The following JAKMIP1 variants were observed in gnomAD, a reference collection of about 807,000 sequenced individuals.
The protein encoded by JAKMIP1 is janus kinase and microtubule-interacting protein 1.
A neutral mutation model predicts 113.0 loss-of-function variants in JAKMIP1; 33 were observed. The observed-to-expected ratio is 0.29, with a 90% CI of 0.22 to 0.39. The LOEUF is 0.39. JAKMIP1 is among the 10% of genes least tolerant of loss of function. The pLI is 1.00. For missense variants in JAKMIP1, 813 were observed against 1,080.5 expected (o/e 0.75, Z 3.47); for synonymous variants, 480 against 459.9 (o/e 1.04, Z -0.56).
intron 1 of JAKMIP1, among the ~76,000 whole-genome samples, chr4:6,132,648 A>T (rs1198694264): frequency 9.3e-5 from 2 of 21,420 alleles, no homozygotes; most frequent in African/African-American, 3.3e-4. Context: ...CCTCAAAAAT[A>T]AAAAAAAAAA....
At chr4:6,036,395 A>G (rs553342699) in intron 18 of JAKMIP1, among the ~76,000 whole-genome samples, 1 of 152,328 alleles carries the variant, frequency 6.6e-6, no homozygotes, top group South Asian at 2.1e-4. Context: ...TTCCCTTAAG[A>G]TGCATGACTC....
intron 19 of JAKMIP1, among the ~76,000 whole-genome samples, chr4:6,030,378 C>G (rs780198297): frequency 3.3e-5 from 5 of 152,130 alleles, no homozygotes; most frequent in Non-Finnish European, 5.9e-5. Context: ...CCAGGACTTT[C>G]CTGGTGTGAG....
In JAKMIP1 at chr4:6,065,098, G is replaced by T. The variant is rs1717879016; in HGVS notation, c.1303-90C>A. 6.6e-7 allele frequency: 1 copy of T among 1,512,514 alleles called. No homozygotes were observed. The highest frequency in any genetic ancestry group is 1.2e-5 in the South Asian group (1 of 86,780). The allele number at this position is 1,512,514 out of a possible 1,614,324, so 93.7% of individuals were successfully genotyped here. A position where few individuals can be genotyped will look rare whatever the true frequency, so the allele number is the denominator to read the frequency against. ...GTCGTGGGCATGCCAGTGCAGGGGG[G>T]TGATGATTGACATTTGGGCCACTGG... On this transcript the variant is annotated intron_variant, in intron 8 of 20. Coordinates refer to ENST00000409021, the MANE Select transcript of JAKMIP1 (RefSeq NM_001099433.2). The surrounding 1 kb of genome is among the most constrained non-coding windows in gnomAD (Gnocchi z 5.1).
intron 1 of JAKMIP1, among the ~76,000 whole-genome samples, chr4:6,144,633 G>C (rs12501902): frequency 0.023 from 3,432 of 152,272 alleles, 144 homozygotes; most frequent in East Asian, 0.19. Flanking sequence ...AAAACCACAT[G>C]ACCAGTAAAT....
In JAKMIP1 at chr4:6,065,796, C is replaced by T. The variant is rs976715201; in HGVS notation, c.1303-788G>A. Among the ~76,000 whole-genome samples the T allele has an allele frequency of 6.6e-6, 1 of 152,176 alleles. No homozygotes were observed. The highest frequency in any genetic ancestry group is 2.4e-5 in the African/African-American group (1 of 41,444). ...TCATAGGATATGGGGCTTCATTCAT[C>T]TGTCTATCAATTCATTCACTCAGAA... is the stretch of plus-strand genomic sequence containing the variant. On this transcript the variant is annotated intron_variant, in intron 8 of 20. Coordinates refer to ENST00000409021, the MANE Select transcript of JAKMIP1 (RefSeq NM_001099433.2). The surrounding 1 kb of genome is among the most constrained non-coding windows in gnomAD (Gnocchi z 5.1).
intron 3 of JAKMIP1, among the ~76,000 whole-genome samples, chr4:6,101,635 C>T (rs1713041792): frequency 6.6e-6 from 1 of 150,642 alleles, no homozygotes; most frequent in Non-Finnish European, 1.5e-5. Context: ...GTCTGTAATC[C>T]TAGCACTTTG....
At chr4:6,058,998 A>T (rs1716869687) in intron 11 of JAKMIP1, among the ~76,000 whole-genome samples, 1 of 152,182 alleles carries the variant, frequency 6.6e-6, no homozygotes, top group African/African-American at 2.4e-5. Context: ...GTTAGGTATT[A>T]TTATTAGCCC....
At chr4:6,066,302 G>A (rs1385202110) in intron 8 of JAKMIP1, among the ~76,000 whole-genome samples, 3 of 152,182 alleles carry the variant, frequency 2.0e-5, no homozygotes. Context: ...CATAAGGCAA[G>A]GAAGAAGATG....
intron 18 of JAKMIP1, among the ~76,000 whole-genome samples, chr4:6,036,876 G>A (rs888627808): frequency 6.6e-6 from 1 of 151,960 alleles, no homozygotes; most frequent in African/African-American, 2.4e-5. Context: ...GAAACCATGA[G>A]TTTCAATAGA....
chr4:6,062,678 C>T (rs1717474359), intron 9 of JAKMIP1, among the ~76,000 whole-genome samples: 1 of 152,208 alleles, frequency 6.6e-6, no homozygotes, highest in East Asian at 1.9e-4. Flanking sequence ...GAGGCACCTC[C>T]TCAGCCATCA....
intron 1 of JAKMIP1, among the ~76,000 whole-genome samples, chr4:6,118,820 A>T (rs1716248036): frequency 6.6e-6 from 1 of 152,138 alleles, no homozygotes; most frequent in Non-Finnish European, 1.5e-5. Context: ...CCCCCAAAGA[A>T]ATACGATCAC....
chr4:6,189,940 G>C (rs13151333), intron 1 of JAKMIP1, among the ~76,000 whole-genome samples: 69,078 of 152,168 alleles, frequency 0.45, 15,902 homozygotes, highest in African/African-American at 0.51. Context: ...TGGCAGGAGA[G>C]GGAGGCAGCG....
In JAKMIP1 at chr4:6,135,668, C is replaced by T. The variant is rs541089591; in HGVS notation, c.-147-22671G>A. On this transcript the variant is annotated intron_variant, in intron 1 of 20. Coordinates refer to ENST00000409021, the MANE Select transcript of JAKMIP1 (RefSeq NM_001099433.2). The surrounding 1 kb of genome is among the most constrained non-coding windows in gnomAD (Gnocchi z 4.9). The stretch of plus-strand genomic sequence containing the variant: ...ACCACTGCATCAACCATACCACCCC[C>T]GCTGAGAAGTTGCTTCTTGCCCCAT... Among the ~76,000 whole-genome samples the T allele has an allele frequency of 3.3e-5, 5 of 152,306 alleles. No homozygotes were observed. The highest frequency in any genetic ancestry group is 7.2e-5 in the African/African-American group (3 of 41,556).
chr4:6,148,722 C>G (rs956728354), intron 1 of JAKMIP1, among the ~76,000 whole-genome samples: 1 of 152,228 alleles, frequency 6.6e-6, no homozygotes, highest in Non-Finnish European at 1.5e-5. Context: ...TATCACTGTG[C>G]CTCCAACTCC....
rs142349020 is a variant in JAKMIP1 at position 6,053,918 on chromosome 4, G to T, written c.1806+132C>A. On this transcript the variant is annotated intron_variant, in intron 13 of 20. Transcript: ENST00000409021. ...AGATTTAAAAAAAAAAAGAAAGAAAGAAAGAAAGAAACTATAACATGTCCC... is the reference window on the plus strand; with the variant it reads ...AGATTTAAAAAAAAAAAGAAAGAAATAAAGAAAGAAACTATAACATGTCCC... 6.8e-4 allele frequency: 1,042 copies of T among 1,537,958 alleles called. 5 individuals are homozygous for T. In the African/African-American group the frequency reaches 0.012, roughly 18 times the overall value.
intron 18 of JAKMIP1, among the ~76,000 whole-genome samples, chr4:6,036,527 C>T (rs1273953894): frequency 1.3e-5 from 2 of 152,174 alleles, no homozygotes; most frequent in Non-Finnish European, 2.9e-5. Flanking sequence ...TCTGGATTTG[C>T]ACACATTTGG....
intron 1 of JAKMIP1, 68 bp from the exon 2 acceptor site, chr4:6,113,065 C>T: frequency 1.5e-6 from 1 of 682,816 alleles, no homozygotes; most frequent in Non-Finnish European, 2.3e-6. Context: ...CTGCCTCGGG[C>T]ACCCTGGGCC....
intron 1 of JAKMIP1, among the ~76,000 whole-genome samples, chr4:6,126,160 A>G (rs952635760): frequency 2.8e-5 from 4 of 140,676 alleles, no homozygotes; most frequent in African/African-American, 1.3e-4. Flanking sequence ...ATGCAGAAAC[A>G]CACACATGCA....
chr4:6,129,699 T>C lies in JAKMIP1; in HGVS notation c.-147-16702A>G, dbSNP rs1718240065. 6.6e-6 allele frequency among the ~76,000 whole-genome samples: 1 copy of C among 152,132 alleles called. No individual in the cohort carries two copies. The highest frequency in any genetic ancestry group is 2.1e-4 in the South Asian group (1 of 4,826). On this transcript the variant is annotated intron_variant, in intron 1 of 20. Coordinates refer to ENST00000409021, the MANE Select transcript of JAKMIP1 (RefSeq NM_001099433.2). This position sits in a 1 kb window ranked among gnomAD's most constrained non-coding sequence, Gnocchi z 5.4. ...ATCAGGAGGAAGCCATCCCTCTGCA[T>C]TGTAAATATGACCAAAGAGGTTATG... is the stretch of plus-strand genomic sequence containing the variant.
Sources: gnomAD v4.1 joint callset for allele counts (sites outside exome capture counted in the v4.1 genomes callset) on GRCh38, gnomAD v4.1.1 for gene constraint, Gnocchi (gnomAD v3.1) non-coding constraint, MANE v1.5 for transcripts, NCBI Gene and HGNC (gene_info 2026-07-23, HGNC 2026-07-21) for gene names.